The following KIAA1328 variants were observed in gnomAD, a reference collection of about 807,000 sequenced individuals.
KIAA1328 encodes KIAA1328.
A neutral mutation model predicts 68.1 loss-of-function variants in KIAA1328; 52 were observed. That is an observed-to-expected ratio of 0.76 (90% CI 0.61 to 0.96). The LOEUF (loss-of-function observed/expected upper bound fraction) is 0.96, where lower values mean the gene tolerates loss of function less well. Ranked by LOEUF, KIAA1328 falls within the 40% of genes least tolerant of loss-of-function variation. The pLI is 0.00. For missense variants in KIAA1328, 641 were observed against 677.6 expected, an observed-to-expected ratio of 0.95 and a Z score of 0.60; for synonymous variants, 232 against 239.4, an observed-to-expected ratio of 0.97 and a Z score of 0.28.
chr18:36,867,981 G>T (rs1337342078), intron 4 of KIAA1328, among the ~76,000 whole-genome samples: 1 of 152,172 alleles, frequency 6.6e-6, no homozygotes, highest in East Asian at 1.9e-4. Context: ...AGCCATTTGC[G>T]CCACTTGACA....
chr18:37,078,061 C>T (rs1290972029), intron 7 of KIAA1328, among the ~76,000 whole-genome samples: 1 of 152,196 alleles, frequency 6.6e-6, no homozygotes, highest in African/African-American at 2.4e-5. Context: ...AGGCATCATG[C>T]TACCTGACTT....
At chr18:37,187,328 G>T (rs779431747) in intron 9 of KIAA1328, among the ~76,000 whole-genome samples, 2 of 152,114 alleles carry the variant, frequency 1.3e-5, no homozygotes, top group Admixed American at 1.3e-4. Context: ...AGATTCTGAG[G>T]TGCGTTGGGA....
At chr18:37,156,805 G>A (rs1051423196) in intron 7 of KIAA1328, among the ~76,000 whole-genome samples, 1 of 152,130 alleles carries the variant, frequency 6.6e-6, no homozygotes, top group Non-Finnish European at 1.5e-5. Context: ...AATAGACATC[G>A]CTTTACAGCT....
intron 6 of KIAA1328, among the ~76,000 whole-genome samples, chr18:36,973,968 GTATT>G (rs1162186470): frequency 6.6e-6 from 1 of 151,976 alleles, no homozygotes; most frequent in African/African-American, 2.4e-5. Flanking sequence ...AACCTGAAAA[GTATT>G]TAAACTGATA....
intron 7 of KIAA1328, among the ~76,000 whole-genome samples, chr18:37,113,015 G>C (rs2057982257): frequency 6.6e-6 from 1 of 152,148 alleles, no homozygotes; most frequent in Non-Finnish European, 1.5e-5. Flanking sequence ...TATGTGAAAA[G>C]ACCAAATCTA....
intron 7 of KIAA1328, among the ~76,000 whole-genome samples, chr18:37,158,307 G>T (rs567713722): frequency 6.6e-6 from 1 of 152,118 alleles, no homozygotes; most frequent in African/African-American, 2.4e-5. Context: ...TTGAAAGAGG[G>T]ATGCATTTTC....
intron 7 of KIAA1328, among the ~76,000 whole-genome samples, chr18:37,117,645 A>T (rs896176412): frequency 1.4e-4 from 21 of 151,682 alleles, no homozygotes; most frequent in East Asian, 3.9e-4. Context: ...AGTATTATTT[A>T]AAAAAAAATT....
At chr18:37,056,444 A>C (rs2055910257) in intron 6 of KIAA1328, among the ~76,000 whole-genome samples, 1 of 151,308 alleles carries the variant, frequency 6.6e-6, no homozygotes, top group South Asian at 2.1e-4. Flanking sequence ...TTCTTTTGTC[A>C]TTAGTTTCTT....
In KIAA1328 at chr18:36,836,206, C is replaced by A. The variant is rs533407719; in HGVS notation, c.237+830C>A. Among the ~76,000 whole-genome samples, 29 of 152,238 alleles carry A rather than the reference C, an allele frequency of 1.9e-4. No individual in the cohort carries two copies. The East Asian group carries it at 2.1e-3, about 11-fold the overall frequency. On this transcript the variant is annotated intron_variant, in intron 3 of 9. Transcript: ENST00000280020. ...ATTTTACTGTGATTGAATCAAAAGGCCTACTTTACGTTACTTGTACCAGTG... is the reference window on the plus strand; with the variant it reads ...ATTTTACTGTGATTGAATCAAAAGGACTACTTTACGTTACTTGTACCAGTG...
At chr18:37,185,761 C>T (rs925004145) in intron 9 of KIAA1328, among the ~76,000 whole-genome samples, 1 of 151,696 alleles carries the variant, frequency 6.6e-6, no homozygotes, top group Non-Finnish European at 1.5e-5. Context: ...ACACATACCA[C>T]TTTTAATATA....
At chr18:37,155,764 C>T (rs900919633) in intron 7 of KIAA1328, among the ~76,000 whole-genome samples, 1 of 152,180 alleles carries the variant, frequency 6.6e-6, no homozygotes, top group Admixed American at 6.5e-5. Context: ...CTGACCTGCC[C>T]TGTCTTACCT....
chr18:37,078,224 G>T (rs1199718207), intron 7 of KIAA1328, among the ~76,000 whole-genome samples: 1 of 152,146 alleles, frequency 6.6e-6, no homozygotes, highest in Non-Finnish European at 1.5e-5. Context: ...AACAAGCAAT[G>T]GGGAAAGGAT....
At chr18:37,198,875 CTT>C (rs1278455796) in intron 9 of KIAA1328, among the ~76,000 whole-genome samples, 2 of 152,162 alleles carry the variant, frequency 1.3e-5, no homozygotes, top group African/African-American at 4.8e-5. Context: ...AATTTAGTCA[CTT>C]TGTCTGAAAC....
intron 6 of KIAA1328, among the ~76,000 whole-genome samples, chr18:36,967,758 A>G (rs1361912219): frequency 6.6e-6 from 1 of 152,168 alleles, no homozygotes; most frequent in Non-Finnish European, 1.5e-5. Flanking sequence ...GGGCTACTGC[A>G]CACTGGGACT....
At chr18:36,951,110 C>T (rs72888928) in intron 5 of KIAA1328, among the ~76,000 whole-genome samples, 20,288 of 152,148 alleles carry the variant, frequency 0.13, 1,736 homozygotes, top group Admixed American at 0.18. Flanking sequence ...GTTACATTGG[C>T]CTCCTTCTCG....
intron 7 of KIAA1328, among the ~76,000 whole-genome samples, chr18:37,070,502 G>A (rs1292709491): frequency 1.3e-5 from 2 of 150,994 alleles, no homozygotes; most frequent in Non-Finnish European, 2.9e-5. Flanking sequence ...TGCTGCTTAT[G>A]CATTAAGTTT....
intron 9 of KIAA1328, among the ~76,000 whole-genome samples, chr18:37,192,069 C>T (rs1348376087): frequency 1.3e-5 from 2 of 152,058 alleles, no homozygotes; most frequent in Non-Finnish European, 2.9e-5. Flanking sequence ...AACACCTTAA[C>T]CTCCAGCTCA....
chr18:36,948,261 G>GTTTTTTTTTTTTTTTT (rs1167822236), intron 5 of KIAA1328, among the ~76,000 whole-genome samples: 16 of 115,746 alleles, frequency 1.4e-4, no homozygotes, highest in East Asian at 2.4e-4. Context: ...TTTGTCTTTT[G>GTTTTTTTTTTTTTTTT]TTTTTTTTTT....
chr18:37,095,559 A>G (rs1042151087), intron 7 of KIAA1328, among the ~76,000 whole-genome samples: 1 of 152,162 alleles, frequency 6.6e-6, no homozygotes, highest in Non-Finnish European at 1.5e-5. Context: ...ACCAAAACCT[A>G]TGGGATACAG....
Sources: gnomAD v4.1 joint callset for allele counts (sites outside exome capture counted in the v4.1 genomes callset) on GRCh38, gnomAD v4.1.1 for gene constraint, MANE v1.5 for transcripts, NCBI Gene and HGNC (gene_info 2026-07-23, HGNC 2026-07-21) for gene names.